CNOT1: variants seen among roughly 807,000 people sequenced by gnomAD.
The protein encoded by CNOT1 is CCR4-NOT transcription complex subunit 1.
CNOT1 carries 15 observed loss-of-function variants against 273.8 expected under a neutral mutation model. That is an observed-to-expected ratio of 0.05 (90% CI 0.04 to 0.08). The LOEUF (loss-of-function observed/expected upper bound fraction) is 0.08, where lower values mean the gene tolerates loss of function less well. Ranked by LOEUF, CNOT1 falls within the 10% of genes least tolerant of loss-of-function variation. The pLI is 1.00. For missense variants in CNOT1, 1,644 were observed against 2,912.2 expected, an observed-to-expected ratio of 0.56 and a Z score of 10.02; for synonymous variants, 1,022 against 1,005.5, an observed-to-expected ratio of 1.02 and a Z score of -0.31.
Position 58,547,617 on chromosome 16 carries a change from T to C in CNOT1, c.3588A>G (p.Gly1196=). ...FSDRSLLKNL[G]HWLGMITLAK... ...CTAATGTGATCATTCCTAGCCAATG[T>C]CCCAAGTTCTTCAGCAAAGAACGAT... The change falls in exon 26 of 49, where the codon GGA becomes GGG. Residue 1196 remains glycine, a synonymous_variant. Coordinates refer to ENST00000317147, the MANE Select transcript of CNOT1 (RefSeq NM_016284.5). This position sits in a 1 kb window ranked among gnomAD's most constrained non-coding sequence, Gnocchi z 4.0. The C allele has an allele frequency of 1.2e-6, 2 of 1,613,824 alleles. No individual in the cohort carries two copies. Among genetic ancestry groups the C allele is most frequent in the Non-Finnish European group, 1.7e-6 (2 of 1,179,836 alleles).
intron 1 of CNOT1, among the ~76,000 whole-genome samples, chr16:58,601,736 A>AAAAAAAAAAC (rs2042473101): frequency 2.0e-5 from 1 of 48,874 alleles, no homozygotes. Context: ...ACCCACCTTA[A>AAAAAAAAAAC]AAAAAAAAAA....
intron 1 of CNOT1, among the ~76,000 whole-genome samples, chr16:58,616,562 T>C (rs2043090286): frequency 6.6e-6 from 1 of 152,182 alleles, no homozygotes; most frequent in East Asian, 1.9e-4. Flanking sequence ...CAGCTGGTTT[T>C]TTCGTTTTTT....
chr16:58,585,516 G>T lies in CNOT1; in HGVS notation c.638-10C>A. On this transcript the variant is annotated splice_polypyrimidine_tract_variant and intron_variant, in intron 7 of 48. Transcript: ENST00000317147. ...CGTTCTTGGGGAAAATCTGAGAGAGGAAAAAGGTTACAACTGCTATACTAA... is the reference window on the plus strand; with the variant it reads ...CGTTCTTGGGGAAAATCTGAGAGAGTAAAAAGGTTACAACTGCTATACTAA... The T allele has an allele frequency of 6.2e-7, 1 of 1,606,032 alleles. No homozygotes were observed. Among genetic ancestry groups the T allele is most frequent in the Non-Finnish European group, 8.5e-7 (1 of 1,178,082 alleles).
At chr16:58,596,583 T>A (rs1032985007) in intron 2 of CNOT1, among the ~76,000 whole-genome samples, 5 of 151,928 alleles carry the variant, frequency 3.3e-5, no homozygotes, top group Non-Finnish European at 5.9e-5. Flanking sequence ...GGCAAAGGTA[T>A]ACATACTAAA....
At chr16:58,583,740 C>T (rs1229278632) in intron 8 of CNOT1, among the ~76,000 whole-genome samples, 1 of 151,988 alleles carries the variant, frequency 6.6e-6, no homozygotes, top group Non-Finnish European at 1.5e-5. Flanking sequence ...GGTTTCACCA[C>T]ATTGGCCAGG....
At chr16:58,584,229 A>G (rs189687194) in intron 8 of CNOT1, among the ~76,000 whole-genome samples, 1 of 152,284 alleles carries the variant, frequency 6.6e-6, no homozygotes, top group East Asian at 1.9e-4. Context: ...CTCTTTCACA[A>G]TAACAAAATT....
chr16:58,608,171 T>C (rs1159235793), intron 1 of CNOT1, among the ~76,000 whole-genome samples: 2 of 151,300 alleles, frequency 1.3e-5, no homozygotes, highest in African/African-American at 4.9e-5. Context: ...GCTAGACTCT[T>C]GTCTCAATTT....
intron 1 of CNOT1, among the ~76,000 whole-genome samples, chr16:58,604,643 C>T (rs930823922): frequency 1.8e-4 from 22 of 119,756 alleles, no homozygotes; most frequent in Non-Finnish European, 3.1e-4. Context: ...AAAAAAAATA[C>T]AAAATTAGCC....
At chr16:58,607,585 A>C (rs762832908) in intron 1 of CNOT1, among the ~76,000 whole-genome samples, 14 of 151,782 alleles carry the variant, frequency 9.2e-5, no homozygotes, top group Admixed American at 2.0e-4. Context: ...AATTAGCTGG[A>C]CCTAGTGGCA....
intron 16 of CNOT1, among the ~76,000 whole-genome samples, chr16:58,570,029 T>G (rs1392107376): frequency 6.6e-6 from 1 of 152,028 alleles, no homozygotes; most frequent in Non-Finnish European, 1.5e-5. Context: ...ACTCAATAAA[T>G]TAACAGCTGA....
intron 1 of CNOT1, among the ~76,000 whole-genome samples, chr16:58,626,933 C>T (rs927659153): frequency 6.6e-6 from 1 of 151,922 alleles, no homozygotes; most frequent in Non-Finnish European, 1.5e-5. Context: ...CCTCATCCTC[C>T]CAAAAAGCTA....
At chr16:58,542,624 G>C in intron 31 of CNOT1, 56 bp from the exon 32 acceptor site, 1 of 1,587,226 alleles carries the variant, frequency 6.3e-7, no homozygotes, top group Admixed American at 1.7e-5. Context: ...AGACTTGAAA[G>C]TTGATGTGGA....
intron 1 of CNOT1, among the ~76,000 whole-genome samples, chr16:58,628,951 C>A (rs2043701734): frequency 6.6e-6 from 1 of 152,258 alleles, no homozygotes; most frequent in African/African-American, 2.4e-5. Context: ...TGGATCTTAT[C>A]AGCCTTGAGG....
chr16:58,541,178 C>CT (rs1366521738), intron 34 of CNOT1, among the ~76,000 whole-genome samples: 1 of 152,056 alleles, frequency 6.6e-6, no homozygotes, highest in African/African-American at 2.4e-5. Flanking sequence ...GCACTCCAGC[C>CT]TGGGTGACAG....
intron 1 of CNOT1, among the ~76,000 whole-genome samples, chr16:58,629,505 C>T (rs1346226371): frequency 6.6e-6 from 1 of 152,172 alleles, no homozygotes; most frequent in Non-Finnish European, 1.5e-5. Context: ...TTCTCGCTGG[C>T]CTCTCATCTT....
rs138468977 is a variant in CNOT1, at chr16:58,541,260, T to A, written c.4800+241A>T. 3.3e-5 allele frequency among the ~76,000 whole-genome samples: 5 copies of A among 152,226 alleles called. No homozygotes were observed. The East Asian group carries it at 5.8e-4, about 18-fold the overall frequency. On this transcript the variant is annotated intron_variant, in intron 34 of 48. Transcript: ENST00000317147. ...AAAACCGAAAGTTATTATGTTACCA[T>A]GAGAATTCCCCTAATTAGGCCGAAC... is the stretch of plus-strand genomic sequence containing the variant.
intron 1 of CNOT1, among the ~76,000 whole-genome samples, chr16:58,622,232 T>C (rs146962702): frequency 4.6e-4 from 68 of 149,256 alleles, no homozygotes; most frequent in African/African-American, 1.7e-3. Context: ...GAGAATGGCG[T>C]GAACCCGGGT....
intron 20 of CNOT1, 123 bp downstream of exon 20, chr16:58,555,661 A>T: frequency 6.5e-7 from 1 of 1,541,510 alleles, no homozygotes. Context: ...GACAAATATT[A>T]AGGTTTCAAA....
chr16:58,523,252 C>CA (rs903222270), intron 47 of CNOT1, 118 bp downstream of exon 47: 24,338 of 982,740 alleles, frequency 0.025, no homozygotes, highest in South Asian at 0.031. Flanking sequence ...CTCAAAAAAA[C>CA]AAAAAAAAAA....
Sources: gnomAD v4.1 joint callset for allele counts (sites outside exome capture counted in the v4.1 genomes callset) on GRCh38, gnomAD v4.1.1 for gene constraint, Gnocchi (gnomAD v3.1) non-coding constraint, MANE v1.5 for transcripts, NCBI Gene and HGNC (gene_info 2026-07-23, HGNC 2026-07-21) for gene names.